The following STX5 variants were observed in gnomAD, a reference collection of about 807,000 sequenced individuals.
The protein encoded by STX5 is syntaxin 5, also known as syntaxin-5.
A neutral mutation model predicts 42.9 loss-of-function variants in STX5; 15 were observed. The ratio of observed to expected loss-of-function variants is 0.35; its 90% CI spans 0.23 to 0.54. The LOEUF (loss-of-function observed/expected upper bound fraction) is 0.54. Ranked by LOEUF, STX5 falls within the 20% of genes least tolerant of loss-of-function variation. The probability of loss-of-function intolerance (pLI) is 0.91; values close to 1 mark genes in which losing one functional copy is unlikely to be tolerated. For synonymous variants in STX5, 184 were observed against 173.2 expected (o/e 1.06, Z -0.49); for missense variants, 430 against 455.0 (o/e 0.95, Z 0.50).
intron 10 of STX5, among the ~76,000 whole-genome samples, chr11:62,822,621 G>A (rs925960832): frequency 6.6e-6 from 1 of 150,934 alleles, no homozygotes; most frequent in Non-Finnish European, 1.5e-5. Flanking sequence ...TCTTAATAGG[G>A]CCTACCTCCC....
intron 8 of STX5, 66 bp from the exon 9 acceptor site, chr11:62,824,631 T>C: frequency 6.7e-7 from 1 of 1,485,318 alleles, no homozygotes; most frequent in Non-Finnish European, 9.3e-7. Flanking sequence ...CCACATGCTC[T>C]GGGTTTGAAT....
chr11:62,812,831 G>A (rs2084633083), intron 10 of STX5, among the ~76,000 whole-genome samples: 1 of 151,856 alleles, frequency 6.6e-6, no homozygotes, highest in Non-Finnish European at 1.5e-5. Flanking sequence ...AAATCAATTA[G>A]GCCGGGTGCG....
intron 10 of STX5, among the ~76,000 whole-genome samples, chr11:62,820,712 A>G (rs951825815): frequency 6.6e-6 from 1 of 151,062 alleles, no homozygotes; most frequent in Non-Finnish European, 1.5e-5. Flanking sequence ...GGGTTTCACC[A>G]TGTTAGCCAG....
At chr11:62,829,354 G>A (rs1778074675) in intron 2 of STX5, among the ~76,000 whole-genome samples, 1 of 152,056 alleles carries the variant, frequency 6.6e-6, no homozygotes, top group African/African-American at 2.4e-5. Context: ...AACCCGGGAG[G>A]CGGAGGTTGC....
At chr11:62,828,444 C>T (rs1217437460) in intron 2 of STX5, among the ~76,000 whole-genome samples, 6 of 152,256 alleles carry the variant, frequency 3.9e-5, no homozygotes, top group Admixed American at 1.3e-4. Flanking sequence ...TACAGTTACT[C>T]GGCCGGGTGC....
chr11:62,824,868 A>C (rs1190190357), intron 8 of STX5, among the ~76,000 whole-genome samples, 168 bp downstream of exon 8: 1 of 152,244 alleles, frequency 6.6e-6, no homozygotes, highest in Non-Finnish European at 1.5e-5. Context: ...GTGGGAGTCT[A>C]AATGTGGATC....
chr11:62,815,820 A>C (rs2084667226), intron 10 of STX5: 1 of 152,124 alleles, frequency 6.6e-6, no homozygotes. Context: ...TACAGGTGTG[A>C]GCCACCGCGC....
intron 10 of STX5, among the ~76,000 whole-genome samples, chr11:62,820,825 C>T (rs1352168526): frequency 1.3e-5 from 2 of 151,710 alleles, no homozygotes; most frequent in Admixed American, 6.6e-5. Flanking sequence ...TTCTATTTTT[C>T]GTTCCTCTGT....
chr11:62,830,528 CAG>C (rs1255019082), intron 2 of STX5: 1 of 456,254 alleles, frequency 2.2e-6, no homozygotes, highest in Non-Finnish European at 4.4e-6. Flanking sequence ...AGCCTGTTGA[CAG>C]AGTTGAAAAA....
intron 10 of STX5, among the ~76,000 whole-genome samples, chr11:62,822,641 G>A (rs910221745): frequency 1.5e-4 from 22 of 150,936 alleles, no homozygotes; most frequent in Non-Finnish European, 2.8e-4. Context: ...CTCCAAACCT[G>A]GCACTCCTGA....
intron 10 of STX5, among the ~76,000 whole-genome samples, chr11:62,812,023 G>A (rs1267144093): frequency 6.6e-6 from 1 of 150,524 alleles, no homozygotes; most frequent in African/African-American, 2.4e-5. Flanking sequence ...TTGCCTATAT[G>A]CTATAACTTT....
At chr11:62,814,488 A>T (rs2084651772) in intron 10 of STX5, among the ~76,000 whole-genome samples, 1 of 126,772 alleles carries the variant, frequency 7.9e-6, no homozygotes, top group South Asian at 2.4e-4. Context: ...TTTAGATAAG[A>T]GTCTCACTCT....
intron 10 of STX5, among the ~76,000 whole-genome samples, chr11:62,816,237 G>A (rs1265709257): frequency 2.0e-5 from 3 of 152,166 alleles, no homozygotes; most frequent in Non-Finnish European, 2.9e-5. Context: ...AGCTATATTA[G>A]TGTTTATTAT....
At chr11:62,817,793 T>C (rs1284477175) in intron 10 of STX5, among the ~76,000 whole-genome samples, 1 of 152,100 alleles carries the variant, frequency 6.6e-6, no homozygotes, top group African/African-American at 2.4e-5. Context: ...ATTCACCAAA[T>C]GGGCTTAACA....
At chr11:62,829,250 C>A (rs2084829018) in intron 2 of STX5, among the ~76,000 whole-genome samples, 1 of 151,578 alleles carries the variant, frequency 6.6e-6, no homozygotes, top group Admixed American at 6.6e-5. Flanking sequence ...TATGGAGAAA[C>A]CCCGTCTCCA....
chr11:62,807,679 G>T, intron 10 of STX5, 51 bp from the exon 11 acceptor site: 2 of 1,602,650 alleles, frequency 1.2e-6, no homozygotes, highest in Non-Finnish European at 1.7e-6. Flanking sequence ...GGATTAAAAA[G>T]AATGCTGTTG....
At chr11:62,830,996 C>T in intron 2 of STX5, 23 bp downstream of exon 2, 6 of 1,543,358 alleles carry the variant, frequency 3.9e-6, no homozygotes, top group Non-Finnish European at 5.3e-6. Context: ...TCACTCCTCG[C>T]CTTTTCCACT....
At chr11:62,823,883 T>A (rs1412884506) in intron 10 of STX5, 1 of 416,816 alleles carries the variant, frequency 2.4e-6, no homozygotes, top group Non-Finnish European at 4.5e-6. Context: ...TGTCCTCATC[T>A]GCCCTATCAA....
rs181042046 is a variant in STX5 at position 62,810,573 on chromosome 11, T to A, written c.909-2945A>T. Among the ~76,000 whole-genome samples the A allele has an allele frequency of 9.9e-5, 15 of 152,204 alleles. No individual in the cohort carries two copies. The East Asian group carries it at 2.9e-3, about 29-fold the overall frequency. ...ATATTTTATGAGGTGAAAAGGAAAA[T>A]GACTGAGCAACATTAGATCAGTGGT... On this transcript the variant is annotated intron_variant, in intron 10 of 10. Transcript: ENST00000294179.
Sources: gnomAD v4.1 joint callset for allele counts (sites outside exome capture counted in the v4.1 genomes callset) on GRCh38, gnomAD v4.1.1 for gene constraint, MANE v1.5 for transcripts, NCBI Gene and HGNC (gene_info 2026-07-23, HGNC 2026-07-21) for gene names.